Variants in IWS1 observed in about 807,000 individuals in gnomAD.
The protein encoded by IWS1 is interacts with SUPT6H, CTD assembly factor 1, also known as protein IWS1 homolog.
IWS1 carries 27 observed loss-of-function variants against 86.7 expected under a neutral mutation model. That is an observed-to-expected ratio of 0.31 (90% CI 0.23 to 0.43). The LOEUF (loss-of-function observed/expected upper bound fraction) is 0.43. Among genes scored for constraint, IWS1 ranks in the 20% least tolerant of loss-of-function variants. IWS1 has a pLI of 1.00. For missense variants in IWS1, 827 were observed against 1,000.8 expected (o/e 0.83, Z 2.34); for synonymous variants, 313 against 335.1 (o/e 0.93, Z 0.72).
intron 2 of IWS1, among the ~76,000 whole-genome samples, chr2:127,517,629 T>C (rs1294794200): frequency 6.6e-6 from 1 of 152,226 alleles, no homozygotes; most frequent in Non-Finnish European, 1.5e-5. Context: ...CTGGTATGAA[T>C]GTAAAATGGT....
At chr2:127,524,391 A>T (rs1304000371) in intron 1 of IWS1, among the ~76,000 whole-genome samples, 1 of 152,164 alleles carries the variant, frequency 6.6e-6, no homozygotes, top group African/African-American at 2.4e-5. Context: ...GGGTCTTGCT[A>T]TGTTGCCCAG....
At chr2:127,494,245 TAAAAA>T (rs11327472) in intron 8 of IWS1, among the ~76,000 whole-genome samples, 1 of 94,082 alleles carries the variant, frequency 1.1e-5, no homozygotes. Flanking sequence ...TGTCTCTAAT[TAAAAA>T]AAAAAAAAAA....
At chr2:127,490,868 GA>G (rs752926288) in intron 10 of IWS1, 6 of 152,150 alleles carry the variant, frequency 3.9e-5, no homozygotes, top group Non-Finnish European at 7.4e-5. Context: ...GTTTATAGAA[GA>G]AATTTACATT....
At position 127,509,208 on chromosome 2, in the gene IWS1, A is replaced by T. The variant is rs73953630; in HGVS notation, c.151-3456T>A. On this transcript the variant is annotated intron_variant, in intron 2 of 13. Transcript: ENST00000295321. ...AGTTAAGCTTAAAAGTTATCAAAAC[A>T]ATATCCAAAGTTTTTAGAGTGGTTT... Among the ~76,000 whole-genome samples the T allele has an allele frequency of 9.1e-4, 138 of 152,324 alleles. 1 individual carries two copies. The highest frequency in any genetic ancestry group is 3.2e-3 in the African/African-American group (131 of 41,576).
chr2:127,491,219 C>G (rs1471408638), intron 10 of IWS1, among the ~76,000 whole-genome samples: 1 of 152,186 alleles, frequency 6.6e-6, no homozygotes, highest in Non-Finnish European at 1.5e-5. Flanking sequence ...TGCTAAGCAC[C>G]GTGCTTTAGA....
rs1491278086 is a variant in IWS1, at chr2:127,505,779, G to GAAAA, written c.151-28_151-27insTTTT. The GAAAA allele has an allele frequency of 1.5e-6, 2 of 1,346,256 alleles. No individual in the cohort carries two copies. Among genetic ancestry groups the GAAAA allele is most frequent in the Non-Finnish European group, 2.0e-6 (2 of 1,003,136 alleles). 83.4% of individuals were successfully genotyped at this position (1,346,256 alleles called of 1,614,324 possible). On this transcript the variant is annotated intron_variant, in intron 2 of 13. Coordinates refer to ENST00000295321, the MANE Select transcript of IWS1 (RefSeq NM_017969.3). This position sits in a 1 kb window ranked among gnomAD's most constrained non-coding sequence, Gnocchi z 5.0. The stretch of plus-strand genomic sequence containing the variant: ...TGAAAAATAAAGTGAGAAAAAATTA[G>GAAAA]GAAAGTGCAAAAAAAAAAAAACCAT...
rs766033811 is a variant in IWS1 at position 127,505,795 on chromosome 2, A to G, written c.151-43T>C. ...AAAAAATTAGGAAAGTGCAAAAAAAAAAAAACCATTAATAATAAAACATTA... is the reference window on the plus strand; with the variant it reads ...AAAAAATTAGGAAAGTGCAAAAAAAGAAAAACCATTAATAATAAAACATTA... On this transcript the variant is annotated intron_variant, in intron 2 of 13. Coordinates refer to ENST00000295321, the MANE Select transcript of IWS1 (RefSeq NM_017969.3). The surrounding 1 kb of genome is among the most constrained non-coding windows in gnomAD (Gnocchi z 5.0). The G allele has an allele frequency of 4.1e-4, 514 of 1,266,482 alleles. 2 individuals are homozygous for G. Among genetic ancestry groups the G allele is most frequent in the Non-Finnish European group, 5.1e-4 (469 of 922,444 alleles). The allele number at this position is 1,266,482 out of a possible 1,614,324, so 78.5% of individuals were successfully genotyped here.
chr2:127,514,411 C>T (rs563986645), intron 2 of IWS1: 11 of 154,626 alleles, frequency 7.1e-5, no homozygotes, highest in Middle Eastern at 5.2e-4. Context: ...GAGAAAAAGT[C>T]GCTGGGCATG....
chr2:127,511,772 T>G (rs1691466057), intron 2 of IWS1, among the ~76,000 whole-genome samples: 1 of 152,226 alleles, frequency 6.6e-6, no homozygotes, highest in Admixed American at 6.5e-5. Context: ...TTAAACATTA[T>G]TAGAATCAAA....
chr2:127,505,850 G>A lies in IWS1; in HGVS notation c.151-98C>T, dbSNP rs1691121246. 2.5e-6 allele frequency: 2 copies of A among 786,494 alleles called. No homozygotes were observed. The highest frequency in any genetic ancestry group is 2.8e-5 in the East Asian group (1 of 35,900). The allele number at this position is 786,494 out of a possible 1,614,324, so 48.7% of individuals were successfully genotyped here. A position where few individuals can be genotyped will look rare whatever the true frequency, so the allele number is the denominator to read the frequency against. Reference sequence around the variant, plus strand: ...TTTTCTGTGATTTTTTTAAAATACAGGATTATGTGCACCTAAATGGAGAAT... The same window carrying A: ...TTTTCTGTGATTTTTTTAAAATACAAGATTATGTGCACCTAAATGGAGAAT... On this transcript the variant is annotated intron_variant, in intron 2 of 13. Transcript: ENST00000295321. The surrounding 1 kb of genome is among the most constrained non-coding windows in gnomAD (Gnocchi z 5.0).
intron 2 of IWS1, among the ~76,000 whole-genome samples, chr2:127,509,576 C>T (rs963002066): frequency 6.6e-6 from 1 of 151,916 alleles, no homozygotes; most frequent in Non-Finnish European, 1.5e-5. Flanking sequence ...AGTGTGGTGG[C>T]GCACTCCTGT....
rs1432293616 is a variant in IWS1 at position 127,489,966 on chromosome 2, T to A, written c.2048-23A>T. On this transcript the variant is annotated intron_variant, in intron 10 of 13. Coordinates refer to ENST00000295321, the MANE Select transcript of IWS1 (RefSeq NM_017969.3). The surrounding 1 kb of genome is among the most constrained non-coding windows in gnomAD (Gnocchi z 4.8). ...CATCTGTAGTAAGAAAAAAATCAATTATTTTGTCCATAAAATTGCATTTCC... is the reference window on the plus strand; with the variant it reads ...CATCTGTAGTAAGAAAAAAATCAATAATTTTGTCCATAAAATTGCATTTCC... The A allele has an allele frequency of 1.5e-6, 2 of 1,312,530 alleles. No individual in the cohort carries two copies. Among genetic ancestry groups the A allele is most frequent in the African/African-American group, 1.5e-5 (1 of 68,684 alleles). The allele number at this position is 1,312,530 out of a possible 1,614,324, so 81.3% of individuals were successfully genotyped here.
At chr2:127,511,869 T>G (rs1489456505) in intron 2 of IWS1, among the ~76,000 whole-genome samples, 1 of 152,212 alleles carries the variant, frequency 6.6e-6, no homozygotes, top group East Asian at 1.9e-4. Flanking sequence ...AAGACAAATC[T>G]TCTAGTTGTT....
chr2:127,489,790 C>T lies in IWS1; in HGVS notation c.2159+42G>A, dbSNP rs762683647. ...CTTACTTAAAACTGAGTTACTGCAA[C>T]AATAACGTGTATTCCACTTACTCAT... is the stretch of plus-strand genomic sequence containing the variant. On this transcript the variant is annotated intron_variant, in intron 11 of 13. Transcript: ENST00000295321. The surrounding 1 kb of genome is among the most constrained non-coding windows in gnomAD (Gnocchi z 4.8). 9.2e-7 allele frequency: 1 copy of T among 1,087,262 alleles called. No homozygotes were observed. Among genetic ancestry groups the T allele is most frequent in the Non-Finnish European group, 1.4e-6 (1 of 703,140 alleles). 67.4% of individuals were successfully genotyped at this position (1,087,262 alleles called of 1,614,324 possible).
At position 127,496,141 on chromosome 2, in the gene IWS1, A is replaced by T. The variant is rs933950857; in HGVS notation, c.1573T>A (p.Phe525Ile). Residue 525 changes from phenylalanine (F) to isoleucine (I), a missense_variant, in exon 7 of 14, where the codon TTT becomes ATT. Phe to Ile is a conservative substitution (Grantham distance 21). Around this residue, in one of 2 missense-constraint regions of IWS1, gnomAD observed 279 missense variants for 440.6 expected, o/e 0.63. Coordinates refer to ENST00000295321, the MANE Select transcript of IWS1 (RefSeq NM_017969.3). ...AACATCATCTCAAAATCTGACAGAA[A>T]GTCCATACTAAAGCAGTAAACAAAA... Reference protein sequence around the residue: ...DNIKRGKHMDFLSDFEMMLQR... With the variant: ...DNIKRGKHMDILSDFEMMLQR... The T allele has an allele frequency of 6.2e-7, 1 of 1,612,674 alleles. No homozygotes were observed. The highest frequency in any genetic ancestry group is 1.3e-5 in the African/African-American group (1 of 74,902).
chr2:127,518,249 C>G (rs913255890), intron 2 of IWS1, among the ~76,000 whole-genome samples: 15 of 152,148 alleles, frequency 9.9e-5, no homozygotes, highest in African/African-American at 3.6e-4. Context: ...AGGCACGGTG[C>G]TCATACCTGT....
At chr2:127,523,339 A>G (rs2104748708) in intron 2 of IWS1, among the ~76,000 whole-genome samples, 1 of 152,336 alleles carries the variant, frequency 6.6e-6, no homozygotes, top group South Asian at 2.1e-4. Flanking sequence ...GTGTTTCTTC[A>G]GATTGCAAAT....
intron 6 of IWS1, among the ~76,000 whole-genome samples, chr2:127,497,434 AG>A (rs1228019966): frequency 6.6e-5 from 10 of 152,254 alleles, no homozygotes; most frequent in African/African-American, 2.2e-4. Context: ...AGTGATAGGA[AG>A]TATAACTCTC....
At chr2:127,481,241 C>T in intron 13 of IWS1, 66 bp from the exon 14 acceptor site, 1 of 1,432,496 alleles carries the variant, frequency 7.0e-7, no homozygotes, top group Non-Finnish European at 9.3e-7. Context: ...TGTCTTTCAT[C>T]TTCTTATAAC....
Sources: allele counts gnomAD v4.1 joint callset (sites outside exome capture counted in the v4.1 genomes callset), GRCh38; gene constraint gnomAD v4.1.1; regional missense constraint gnomAD v4.1.1; non-coding constraint Gnocchi (gnomAD v3.1); transcripts MANE v1.5; gene names NCBI Gene and HGNC (gene_info 2026-07-23, HGNC 2026-07-21).